The following BCAM variants were observed in gnomAD, a reference collection of about 807,000 sequenced individuals.
BCAM encodes basal cell adhesion molecule (Lutheran blood group).
BCAM carries 61 observed loss-of-function variants against 72.4 expected under a neutral mutation model. The observed-to-expected ratio is 0.84, with a 90% CI of 0.69 to 1.04. The LOEUF is 1.04. Ranked by LOEUF, BCAM falls within the 50% of genes least tolerant of loss-of-function variation. The pLI, the probability that BCAM is intolerant of heterozygous loss-of-function variation, is 0.00. For missense variants in BCAM, 909 were observed against 895.0 expected, an observed-to-expected ratio of 1.02 and a Z score of -0.20; for synonymous variants, 408 against 384.2, an observed-to-expected ratio of 1.06 and a Z score of -0.73.
rs1049973998 is a variant in BCAM, at chr19:44,812,578, G to A, written c.504+30G>A. The A allele has an allele frequency of 9.9e-6, 16 of 1,612,962 alleles. No homozygotes were observed. Among genetic ancestry groups the A allele is most frequent in the Non-Finnish European group, 1.4e-5 (16 of 1,179,344 alleles). On this transcript the variant is annotated intron_variant, in intron 4 of 14. Coordinates refer to ENST00000270233, the MANE Select transcript of BCAM (RefSeq NM_005581.5). The surrounding 1 kb of genome is among the most constrained non-coding windows in gnomAD (Gnocchi z 5.3). ...CTCTCGGGTGGACCTTGGCCCCAGGGTCCTGGAGGAGGAGGGGACAGGGCC... is the reference window on the plus strand; with the variant it reads ...CTCTCGGGTGGACCTTGGCCCCAGGATCCTGGAGGAGGAGGGGACAGGGCC...
At chr19:44,820,647 TC>T in intron 13 of BCAM, 57 bp from the exon 14 acceptor site, 3 of 1,066,584 alleles carry the variant, frequency 2.8e-6, no homozygotes, top group Non-Finnish European at 3.4e-6. Flanking sequence ...CCTCAGTTCC[TC>T]CCCCTGCCGT....
At position 44,814,702 on chromosome 19, in the gene BCAM, G is replaced by A; in HGVS notation, c.1020G>A (p.Glu340=). 3 of 1,614,004 alleles carry A rather than the reference G, an allele frequency of 1.9e-6. No homozygotes were observed. The highest frequency in any genetic ancestry group is 2.5e-6 in the Non-Finnish European group (3 of 1,180,026). The part of the protein sequence containing the change: ...GQSGTYGCRV[E]DYDAADDVQL... ...GCGGGACCTATGGCTGCAGAGTGGA[G>A]GATTACGACGCGGCAGATGACGTGC... Residue 340 remains glutamate (E), a synonymous_variant, in exon 8 of 15, where the codon GAG becomes GAA. Coordinates refer to ENST00000270233, the MANE Select transcript of BCAM (RefSeq NM_005581.5). The surrounding 1 kb of genome is among the most constrained non-coding windows in gnomAD (Gnocchi z 4.6).
intron 13 of BCAM, 187 bp downstream of exon 13, chr19:44,819,913 CCATCCCCAACTCATCCT>C (rs3842409): frequency 0.54 from 734,737 of 1,363,966 alleles, 202,010 homozygotes; most frequent in African/African-American, 0.75. Flanking sequence ...TAATCCACAG[CCATCCCCAACTCATCCT>C]CATCCCCAAC....
In BCAM at chr19:44,818,832, C is replaced by A. The variant is rs1274977512; in HGVS notation, c.1286C>A (p.Pro429His). The change falls in exon 10 of 15, where the codon CCC (proline) becomes CAC (histidine). Residue 429 changes from proline (P) to histidine (H), a missense_variant. By Grantham distance (77) the Pro-to-His change is moderately conservative. Coordinates refer to ENST00000270233, the MANE Select transcript of BCAM (RefSeq NM_005581.5). The surrounding 1 kb of genome is among the most constrained non-coding windows in gnomAD (Gnocchi z 4.6). ...NGTYVCEASLPTVPVLSRTQN... is the reference protein window; with the variant it reads ...NGTYVCEASLHTVPVLSRTQN... Reference sequence around the variant, plus strand: ...ACCTACGTATGTGAGGCCTCCCTGCCCACAGTCCCGGTCCTCAGCCGCACC... The same window carrying A: ...ACCTACGTATGTGAGGCCTCCCTGCACACAGTCCCGGTCCTCAGCCGCACC... The A allele has an allele frequency of 6.2e-7, 1 of 1,614,122 alleles. No homozygotes were observed. Among genetic ancestry groups the A allele is most frequent in the Non-Finnish European group, 8.5e-7 (1 of 1,180,018 alleles).
Position 44,814,409 on chromosome 19 carries a change from T to C in BCAM, c.921+121T>C, listed in dbSNP as rs1968475218. ...CCCCATGGCTTAGGCAGCCACCTGA[T>C]CTGGTGGCCCACGAACTAAAAGGAC... On this transcript the variant is annotated intron_variant, in intron 7 of 14. Transcript: ENST00000270233. This position sits in a 1 kb window ranked among gnomAD's most constrained non-coding sequence, Gnocchi z 4.6. 1 of 1,459,430 alleles carries C rather than the reference T, an allele frequency of 6.9e-7. No homozygotes were observed. Among genetic ancestry groups the C allele is most frequent in the Non-Finnish European group, 9.1e-7 (1 of 1,097,570 alleles). 90.4% of individuals were successfully genotyped at this position (1,459,430 alleles called of 1,614,324 possible).
Position 44,812,576 on chromosome 19 carries a change from G to C in BCAM, c.504+28G>C. The stretch of plus-strand genomic sequence containing the variant: ...ACCTCTCGGGTGGACCTTGGCCCCA[G>C]GGTCCTGGAGGAGGAGGGGACAGGG... On this transcript the variant is annotated intron_variant, in intron 4 of 14. Coordinates refer to ENST00000270233, the MANE Select transcript of BCAM (RefSeq NM_005581.5). The surrounding 1 kb of genome is among the most constrained non-coding windows in gnomAD (Gnocchi z 5.3). 1 of 1,612,800 alleles carries C rather than the reference G, an allele frequency of 6.2e-7. No homozygotes were observed. Among genetic ancestry groups the C allele is most frequent in the Non-Finnish European group, 8.5e-7 (1 of 1,179,216 alleles).
At chr19:44,809,481 C>G (rs28399647) in intron 1 of BCAM, among the ~76,000 whole-genome samples, 2,635 of 152,160 alleles carry the variant, frequency 0.017, 45 homozygotes, top group South Asian at 0.04. Context: ...TCCCACCTGC[C>G]TCCTCCCTCA....
Position 44,820,710 on chromosome 19 carries a change from CA to C in BCAM, c.1770del (p.Glu592SerfsTer4). 1 of 1,402,594 alleles carries C rather than the reference CA, an allele frequency of 7.1e-7. No individual in the cohort carries two copies. Among genetic ancestry groups the C allele is most frequent in the African/African-American group, 1.5e-5 (1 of 68,174 alleles). 86.9% of individuals were successfully genotyped at this position (1,402,594 alleles called of 1,614,324 possible). A position where few individuals can be genotyped will look rare whatever the true frequency, so the allele number is the denominator to read the frequency against. On this transcript the variant is annotated frameshift_variant, in exon 14 of 15. Transcript: ENST00000270233. LOFTEE classifies it high-confidence loss of function. ...RQRREKGAPP[P>X]GEPGLSHSGS... ...CCGCTGCCTCCTCCCCCCAGGCCGC[CA>C]GGGGAGCCAGGGCTGAGCCACTCGG...
Position 44,813,209 on chromosome 19 carries a change from TCCCAGCTCCAAG to T in BCAM, c.505-35_505-24del. 2 of 1,606,022 alleles carry T rather than the reference TCCCAGCTCCAAG, an allele frequency of 1.2e-6. No homozygotes were observed. Among genetic ancestry groups the T allele is most frequent in the Non-Finnish European group, 1.7e-6 (2 of 1,174,864 alleles). On this transcript the variant is annotated intron_variant, in intron 4 of 14. Transcript: ENST00000270233. This position sits in a 1 kb window ranked among gnomAD's most constrained non-coding sequence, Gnocchi z 4.2. ...TGAGAGAGGAGCCCCGACTTCAGAG[TCCCAGCTCCAAG>T]CCCAGGGCCATGCCCGTGTCTGCCT... is the stretch of plus-strand genomic sequence containing the variant.
Position 44,814,918 on chromosome 19 carries a change from T to G in BCAM, c.1078+158T>G, listed in dbSNP as rs370219726. Reference sequence around the variant, plus strand: ...GGGGTTTTTTTGGTTGTTTTTTTTTTTTTTTTTTTCCCAGAGACAGGACCT... The same window carrying G: ...GGGGTTTTTTTGGTTGTTTTTTTTTGTTTTTTTTTCCCAGAGACAGGACCT... On this transcript the variant is annotated intron_variant, in intron 8 of 14. Transcript: ENST00000270233. The surrounding 1 kb of genome is among the most constrained non-coding windows in gnomAD (Gnocchi z 4.6). Among the ~76,000 whole-genome samples the G allele has an allele frequency of 1.9e-4, 26 of 136,166 alleles. No individual in the cohort carries two copies. The highest frequency in any genetic ancestry group is 6.4e-4 in the African/African-American group (20 of 31,052). The allele number at this position is 136,166 out of a possible 152,430, so 89.3% of individuals were successfully genotyped here. A position where few individuals can be genotyped will look rare whatever the true frequency, so the allele number is the denominator to read the frequency against.
At position 44,813,075 on chromosome 19, in the gene BCAM, G is replaced by T. The variant is rs1455908419; in HGVS notation, c.505-175G>T. The T allele has an allele frequency of 1.2e-5, 7 of 569,162 alleles. No homozygotes were observed. Among genetic ancestry groups the T allele is most frequent in the Non-Finnish European group, 1.7e-5 (6 of 348,900 alleles). The allele number at this position is 569,162 out of a possible 1,614,324, so 35.3% of individuals were successfully genotyped here. ...CCTTGGTCCCTGGAGGATGGTGCTGGAGGCCTGGACTCTTTAGTCTGAGTC... is the reference window on the plus strand; with the variant it reads ...CCTTGGTCCCTGGAGGATGGTGCTGTAGGCCTGGACTCTTTAGTCTGAGTC... On this transcript the variant is annotated intron_variant, in intron 4 of 14. Coordinates refer to ENST00000270233, the MANE Select transcript of BCAM (RefSeq NM_005581.5). This position sits in a 1 kb window ranked among gnomAD's most constrained non-coding sequence, Gnocchi z 4.2.
intron 13 of BCAM, 120 bp from the exon 14 acceptor site, chr19:44,820,585 C>G (rs1404046471): frequency 2.3e-6 from 3 of 1,305,200 alleles, no homozygotes; most frequent in Non-Finnish European, 2.9e-6. Context: ...ACCCAGCACA[C>G]CCCCATCCTC....
rs190232001 is a variant in BCAM at position 44,814,637 on chromosome 19, G to A, written c.955G>A (p.Glu319Lys). ...EQEEVLNVNL[E>K]GNLTLEGVTR... ...GGAGGAAGTGCTGAATGTGAATCTC[G>A]AGGGGAACTTGACCCTGGAGGGAGT... The change falls in exon 8 of 15, where the codon GAG becomes AAG. Residue 319 changes from glutamate (E) to lysine (K), a missense_variant. By Grantham distance (56) the Glu-to-Lys change is moderately conservative. Transcript: ENST00000270233. This position sits in a 1 kb window ranked among gnomAD's most constrained non-coding sequence, Gnocchi z 4.6. 2.7e-5 allele frequency: 43 copies of A among 1,613,990 alleles called. No homozygotes were observed. Among genetic ancestry groups the A allele is most frequent in the African/African-American group, 2.0e-4 (15 of 75,030 alleles).
intron 11 of BCAM, 76 bp from the exon 12 acceptor site, chr19:44,819,270 A>G: frequency 6.2e-7 from 1 of 1,609,680 alleles, no homozygotes; most frequent in Non-Finnish European, 8.5e-7. Context: ...TTCCTGGGAG[A>G]CTGGACGTCG....
At position 44,814,562 on chromosome 19, in the gene BCAM, G is replaced by A. The variant is rs746833944; in HGVS notation, c.922-42G>A. ...TGACCTAGCATGAGCCCGCTGAACC[G>A]GGGTGGCTTCTGAGCCTGGTTCCTC... On this transcript the variant is annotated intron_variant, in intron 7 of 14. Transcript: ENST00000270233. This position sits in a 1 kb window ranked among gnomAD's most constrained non-coding sequence, Gnocchi z 4.6. 53 of 1,597,470 alleles carry A rather than the reference G, an allele frequency of 3.3e-5. No individual in the cohort carries two copies. The highest frequency in any genetic ancestry group is 6.7e-5 in the African/African-American group (5 of 74,796).
Position 44,814,449 on chromosome 19 carries a change from T to A in BCAM, c.922-155T>A, listed in dbSNP as rs1968475688. ...ACTAAAAGGACCTCTGACCCCTGAT[T>A]TGAGAGAGTCAGGACTTAGCATGCC... is the stretch of plus-strand genomic sequence containing the variant. On this transcript the variant is annotated intron_variant, in intron 7 of 14. Transcript: ENST00000270233. The surrounding 1 kb of genome is among the most constrained non-coding windows in gnomAD (Gnocchi z 4.6). Among the ~76,000 whole-genome samples the A allele has an allele frequency of 6.6e-6, 1 of 152,062 alleles. No homozygotes were observed.
At position 44,812,252 on chromosome 19, in the gene BCAM, C is replaced by T. The variant is rs1968432520; in HGVS notation, c.294C>T (p.Arg98=). The T allele has an allele frequency of 6.2e-7, 1 of 1,608,800 alleles. No homozygotes were observed. Among genetic ancestry groups the T allele is most frequent in the African/African-American group, 1.3e-5 (1 of 74,710 alleles). The part of the protein sequence containing the change: ...LQVTMHDTRG[R]SPPYQLDSQG... ...TCACAATGCACGACACCCGGGGCCG[C>T]AGTCCCCCATACCAGCTGGACTCCC... The change falls in exon 3 of 15, where the codon CGC becomes CGT. Residue 98 remains arginine, a synonymous_variant. Coordinates refer to ENST00000270233, the MANE Select transcript of BCAM (RefSeq NM_005581.5). This position sits in a 1 kb window ranked among gnomAD's most constrained non-coding sequence, Gnocchi z 5.3.
Position 44,812,188 on chromosome 19 carries a change from G to C in BCAM, c.230G>C (p.Arg77Pro), listed in dbSNP as rs28399653. Residue 77 changes from arginine (R) to proline (P), a missense_variant, in exon 3 of 15, where the codon CGC (arginine) becomes CCC (proline). Physicochemically the swap from Arg to Pro is moderately radical, Grantham distance 103 (BLOSUM62 -2). Coordinates refer to ENST00000270233, the MANE Select transcript of BCAM (RefSeq NM_005581.5). This position sits in a 1 kb window ranked among gnomAD's most constrained non-coding sequence, Gnocchi z 5.3. ...FLTDRSGARP[R>P]LASAEMQGSE... is the part of the protein sequence containing the mutation. ...ACCGACCGCTCGGGAGCTCGCCCCCGCCTAGCCTCGGCTGAGATGCAGGGC... is the reference window on the plus strand; with the variant it reads ...ACCGACCGCTCGGGAGCTCGCCCCCCCCTAGCCTCGGCTGAGATGCAGGGC... 1 of 1,602,778 alleles carries C rather than the reference G, an allele frequency of 6.2e-7. No homozygotes were observed. Among genetic ancestry groups the C allele is most frequent in the South Asian group, 1.1e-5 (1 of 90,286 alleles).
intron 11 of BCAM, 53 bp downstream of exon 11, chr19:44,819,245 C>A: frequency 6.2e-7 from 1 of 1,611,518 alleles, no homozygotes; most frequent in Non-Finnish European, 8.5e-7. Flanking sequence ...CCAAGTATCA[C>A]ACCCTCCTTT....
Sources: gnomAD v4.1 joint callset for allele counts (sites outside exome capture counted in the v4.1 genomes callset) on GRCh38, gnomAD v4.1.1 for gene constraint, Gnocchi (gnomAD v3.1) non-coding constraint, MANE v1.5 for transcripts, NCBI Gene and HGNC (gene_info 2026-07-23, HGNC 2026-07-21) for gene names.